Variants in PHACTR1 observed in about 807,000 individuals in gnomAD.
PHACTR1 encodes the protein phosphatase and actin regulator 1.
In PHACTR1, 16 loss-of-function variants were observed where a neutral mutation model predicts 69.2. The observed-to-expected ratio is 0.23, with a 90% CI of 0.16 to 0.35. The LOEUF is 0.35. Ranked by LOEUF, PHACTR1 falls within the 10% of genes least tolerant of loss-of-function variation. The probability of loss-of-function intolerance (pLI) is 1.00; values close to 1 mark genes in which losing one functional copy is unlikely to be tolerated. For synonymous variants in PHACTR1, 312 were observed against 284.5 expected (o/e 1.10, Z -0.97); for missense variants, 510 against 734.7 (o/e 0.69, Z 3.54).
intron 5 of PHACTR1, among the ~76,000 whole-genome samples, chr6:13,148,400 A>G (rs1470380839): frequency 6.6e-6 from 1 of 152,192 alleles, no homozygotes; most frequent in Non-Finnish European, 1.5e-5. Flanking sequence ...CAAGACCATT[A>G]TATGTAGCAA....
At position 12,911,674 on chromosome 6, in the gene PHACTR1, A is replaced by G. The variant is rs565293502; in HGVS notation, c.251-141691A>G. ...CTCAAATGATTTTTTGTTTAAAAAAAAAATCCAGGGTGACCGCTGGCGTCT... is the reference window on the plus strand; with the variant it reads ...CTCAAATGATTTTTTGTTTAAAAAAGAAATCCAGGGTGACCGCTGGCGTCT... On this transcript the variant is annotated intron_variant, in intron 4 of 14. Coordinates refer to ENST00000332995, the MANE Select transcript of PHACTR1 (RefSeq NM_030948.6). 2.6e-5 allele frequency among the ~76,000 whole-genome samples: 4 copies of G among 152,312 alleles called. No homozygotes were observed. In the South Asian group the frequency reaches 8.3e-4, roughly 32 times the overall value.
chr6:13,237,676 T>C (rs1772208438), intron 10 of PHACTR1, among the ~76,000 whole-genome samples: 1 of 152,216 alleles, frequency 6.6e-6, no homozygotes, highest in Non-Finnish European at 1.5e-5. Flanking sequence ...ATACATTGCT[T>C]AACGATGGGA....
At chr6:12,780,714 T>C (rs1770711814) in intron 4 of PHACTR1, among the ~76,000 whole-genome samples, 1 of 152,220 alleles carries the variant, frequency 6.6e-6, no homozygotes, top group African/African-American at 2.4e-5. Flanking sequence ...GCATTCAAGC[T>C]GCCCGATAGT....
chr6:13,023,449 G>A (rs557983071), intron 4 of PHACTR1, among the ~76,000 whole-genome samples: 1 of 152,228 alleles, frequency 6.6e-6, no homozygotes, highest in Admixed American at 6.5e-5. Context: ...TTGCCTCCAC[G>A]GTAATTATTT....
intron 4 of PHACTR1, among the ~76,000 whole-genome samples, chr6:13,040,002 A>G (rs1299042537): frequency 1.3e-5 from 2 of 152,184 alleles, no homozygotes; most frequent in Non-Finnish European, 2.9e-5. Context: ...TTCATTATAT[A>G]CATGCTTTAT....
intron 3 of PHACTR1, among the ~76,000 whole-genome samples, chr6:12,722,244 T>C (rs547971328): frequency 3.9e-5 from 6 of 152,340 alleles, no homozygotes; most frequent in African/African-American, 1.4e-4. Context: ...TGCAGATATT[T>C]CTATAGACTG....
chr6:12,842,311 G>C (rs1394389486), intron 4 of PHACTR1, among the ~76,000 whole-genome samples: 1 of 152,110 alleles, frequency 6.6e-6, no homozygotes, highest in Non-Finnish European at 1.5e-5. Context: ...ACACTACATA[G>C]ACAGTCTTCA....
rs754926357 is a variant in PHACTR1 at position 13,160,287 on chromosome 6, A to G, written c.496+3A>G. On this transcript the variant is annotated splice_donor_region_variant and intron_variant, in intron 6 of 14. Coordinates refer to ENST00000332995, the MANE Select transcript of PHACTR1 (RefSeq NM_030948.6). ...CCTGAAGGAAATCTATGATAAAGGT[A>G]AGGAGGATTGGTCTGTCATCCCCGG... 3.1e-6 allele frequency: 5 copies of G among 1,612,526 alleles called. No individual in the cohort carries two copies. In the South Asian group the frequency reaches 4.4e-5, roughly 14 times the overall value.
intron 4 of PHACTR1, among the ~76,000 whole-genome samples, chr6:12,869,854 T>C (rs1337053591): frequency 6.6e-6 from 1 of 152,196 alleles, no homozygotes; most frequent in East Asian, 1.9e-4. Flanking sequence ...GAGTGTAAAG[T>C]CAATGAACTT....
Position 13,283,176 on chromosome 6 carries a change from G to T in PHACTR1, c.1510-246G>T. 1 of 347,110 alleles carries T rather than the reference G, an allele frequency of 2.9e-6. No homozygotes were observed. The highest frequency in any genetic ancestry group is 5.1e-6 in the Non-Finnish European group (1 of 194,936). 21.5% of individuals were successfully genotyped at this position (347,110 alleles called of 1,614,324 possible). ...TTAAGTTTAAAAAAAAAAAGAGCTTGGCCTAGAGGGTATGTAAGGGATAAC... is the reference window on the plus strand; with the variant it reads ...TTAAGTTTAAAAAAAAAAAGAGCTTTGCCTAGAGGGTATGTAAGGGATAAC... On this transcript the variant is annotated intron_variant, in intron 12 of 14. Transcript: ENST00000332995. This position sits in a 1 kb window ranked among gnomAD's most constrained non-coding sequence, Gnocchi z 4.7.
chr6:12,784,112 C>A (rs1031363077), intron 4 of PHACTR1, among the ~76,000 whole-genome samples: 1 of 151,908 alleles, frequency 6.6e-6, no homozygotes, highest in Non-Finnish European at 1.5e-5. Flanking sequence ...TACATACATA[C>A]ATGATGATAT....
At chr6:13,254,123 G>C (rs1774863814) in intron 10 of PHACTR1, among the ~76,000 whole-genome samples, 1 of 152,202 alleles carries the variant, frequency 6.6e-6, no homozygotes, top group African/African-American at 2.4e-5. Flanking sequence ...AGCTACTCGG[G>C]AGGCTGAGGT....
chr6:12,821,662 GA>G (rs1002144409), intron 4 of PHACTR1, among the ~76,000 whole-genome samples: 2 of 152,126 alleles, frequency 1.3e-5, no homozygotes, highest in East Asian at 1.9e-4. Flanking sequence ...ATTTTGTTGG[GA>G]AAAAAATCAA....
chr6:12,934,004 T>A, intron 4 of PHACTR1: 6 of 1,488,592 alleles, frequency 4.0e-6, no homozygotes, highest in Non-Finnish European at 5.4e-6. Flanking sequence ...CATAAAACAA[T>A]ATCAATTTGC....
At chr6:13,194,997 AAT>A (rs1180568024) in intron 7 of PHACTR1, among the ~76,000 whole-genome samples, 1 of 152,110 alleles carries the variant, frequency 6.6e-6, no homozygotes, top group Non-Finnish European at 1.5e-5. Flanking sequence ...ATTTCACAAA[AAT>A]AACATTTTTT....
chr6:12,848,143 A>G (rs1176560541), intron 4 of PHACTR1, among the ~76,000 whole-genome samples: 2 of 152,328 alleles, frequency 1.3e-5, no homozygotes, highest in East Asian at 3.9e-4. Context: ...TAATCCATCC[A>G]TAACTAGGCT....
intron 7 of PHACTR1, chr6:13,185,014 AGACGT>A: frequency 3.7e-6 from 5 of 1,355,424 alleles, no homozygotes; most frequent in Non-Finnish European, 4.9e-6. Context: ...AGGTGAGTGC[AGACGT>A]CTTCTGGGGC....
chr6:13,124,933 T>G (rs1235494359), intron 5 of PHACTR1, among the ~76,000 whole-genome samples: 1 of 152,200 alleles, frequency 6.6e-6, no homozygotes, highest in Non-Finnish European at 1.5e-5. Context: ...AAATGGCCAG[T>G]CCTTAATATG....
intron 4 of PHACTR1, among the ~76,000 whole-genome samples, chr6:12,777,230 T>C (rs888672327): frequency 1.7e-5 from 2 of 120,776 alleles, no homozygotes; most frequent in East Asian, 2.0e-4. Context: ...TTTATATATA[T>C]ATATATATAT....
Sources: gnomAD v4.1 joint callset for allele counts (sites outside exome capture counted in the v4.1 genomes callset) on GRCh38, gnomAD v4.1.1 for gene constraint, Gnocchi (gnomAD v3.1) non-coding constraint, MANE v1.5 for transcripts, NCBI Gene and HGNC (gene_info 2026-07-23, HGNC 2026-07-21) for gene names.